PCDH15: variants seen among roughly 807,000 people sequenced by gnomAD.
PCDH15 encodes the protein protocadherin-15.
A neutral mutation model predicts 178.5 loss-of-function variants in PCDH15; 129 were observed. The observed-to-expected ratio is 0.72, with a 90% CI of 0.63 to 0.84. The LOEUF (loss-of-function observed/expected upper bound fraction) is 0.84, where lower values mean the gene tolerates loss of function less well. PCDH15 is among the 40% of genes least tolerant of loss of function. PCDH15 has a pLI of 0.00. For missense variants in PCDH15, 2,230 were observed against 2,099.9 expected (o/e 1.06, Z -1.21); for synonymous variants, 800 against 732.0 (o/e 1.09, Z -1.50).
intron 7 of PCDH15, 67 bp from the exon 8 acceptor site, chr10:54,317,508 C>T (rs955102117): frequency 1.3e-6 from 2 of 1,568,004 alleles, no homozygotes; most frequent in African/African-American, 1.4e-5. Context: ...GGAGCAGTGG[C>T]CCATACCTGT....
At chr10:54,856,670 C>T (rs765154675) in intron 3 of PCDH15, among the ~76,000 whole-genome samples, 1 of 152,140 alleles carries the variant, frequency 6.6e-6, no homozygotes, top group Non-Finnish European at 1.5e-5. Flanking sequence ...TTATCCTTAA[C>T]ATATTTATAT....
intron 2 of PCDH15, among the ~76,000 whole-genome samples, chr10:55,482,306 T>C (rs1485873691): frequency 1.3e-5 from 2 of 151,770 alleles, no homozygotes; most frequent in Non-Finnish European, 2.9e-5. Context: ...CTTTTAACTG[T>C]GGCATTTAGC....
chr10:54,361,151 CA>C (rs1489201181), intron 5 of PCDH15, among the ~76,000 whole-genome samples: 1 of 152,018 alleles, frequency 6.6e-6, no homozygotes, highest in Non-Finnish European at 1.5e-5. Flanking sequence ...TGCACATACT[CA>C]GGTCCCTAAT....
At chr10:54,138,247 G>GGT (rs145602311) in intron 14 of PCDH15, among the ~76,000 whole-genome samples, 19 of 151,598 alleles carry the variant, frequency 1.3e-4, no homozygotes, top group African/African-American at 2.2e-4. Context: ...GTAATTGTGA[G>GGT]GTGTGTGTGT....
intron 36 of PCDH15, among the ~76,000 whole-genome samples, chr10:53,811,131 C>A (rs2075849431): frequency 6.6e-6 from 1 of 152,042 alleles, no homozygotes; most frequent in Non-Finnish European, 1.5e-5. Flanking sequence ...GTACAAGTGA[C>A]TTTTGAGACA....
chr10:54,244,683 A>G (rs752828022), intron 8 of PCDH15, among the ~76,000 whole-genome samples: 1 of 152,192 alleles, frequency 6.6e-6, no homozygotes, highest in East Asian at 1.9e-4. Flanking sequence ...ATCCATTTCT[A>G]TAACAACTAT....
At chr10:55,386,986 A>T (rs550537837) in intron 2 of PCDH15, among the ~76,000 whole-genome samples, 2 of 152,260 alleles carry the variant, frequency 1.3e-5, no homozygotes, top group African/African-American at 4.8e-5. Context: ...TTTGGAGGAA[A>T]TCGTGAGAAA....
At chr10:54,118,772 A>AT (rs1329963619) in intron 15 of PCDH15, among the ~76,000 whole-genome samples, 10 of 118,868 alleles carry the variant, frequency 8.4e-5, no homozygotes, top group Admixed American at 3.2e-4. Flanking sequence ...GGAAAGTTTT[A>AT]TTTTTATTTT....
intron 10 of PCDH15, 121 bp from the exon 11 acceptor site, chr10:54,196,010 A>C: frequency 1.2e-6 from 1 of 839,032 alleles, no homozygotes; most frequent in South Asian, 1.6e-5. Context: ...ATAAGGAAAA[A>C]ATACGTTAAA....
chr10:55,595,946 G>C (rs1323964697), intron 2 of PCDH15, among the ~76,000 whole-genome samples: 1 of 152,034 alleles, frequency 6.6e-6, no homozygotes, highest in Non-Finnish European at 1.5e-5. Context: ...TGTTTGCACT[G>C]CTTAAAGATT....
intron 2 of PCDH15, among the ~76,000 whole-genome samples, chr10:55,160,869 TATTTAAAGCCTTGCCTGCATTATCTGTC>T (rs1839048191): frequency 6.6e-6 from 1 of 152,144 alleles, no homozygotes; most frequent in Non-Finnish European, 1.5e-5. Context: ...CAATATCTCT[TATTTAAAGCCTTGCCTGCATTATCTGTC>T]ATTTAAAGCC....
rs192092795 is a variant in PCDH15, at chr10:54,672,998, G to A, written c.-28-8708C>T. On this transcript the variant is annotated intron_variant, in intron 1 of 37. Transcript: ENST00000644397. Reference sequence around the variant, plus strand: ...TGTTTAATGACATAGCAAACAGGTAGTATCTACATTCCTAATTTTTTTTCT... The same window carrying A: ...TGTTTAATGACATAGCAAACAGGTAATATCTACATTCCTAATTTTTTTTCT... Among the ~76,000 whole-genome samples, 407 of 152,070 alleles carry A rather than the reference G, an allele frequency of 2.7e-3. 3 individuals carry two copies. Among genetic ancestry groups the A allele is most frequent in the African/African-American group, 8.1e-3 (334 of 41,478 alleles).
At chr10:54,959,866 CA>C (rs1359251592) in intron 2 of PCDH15, among the ~76,000 whole-genome samples, 1 of 152,030 alleles carries the variant, frequency 6.6e-6, no homozygotes, top group Non-Finnish European at 1.5e-5. Flanking sequence ...GACTGAAGAA[CA>C]AACAATAACC....
At chr10:54,095,896 C>T (rs2094691035) in intron 15 of PCDH15, among the ~76,000 whole-genome samples, 1 of 152,090 alleles carries the variant, frequency 6.6e-6, no homozygotes, top group Non-Finnish European at 1.5e-5. Flanking sequence ...CTAATTTTGT[C>T]TAGGGCTCAA....
intron 15 of PCDH15, among the ~76,000 whole-genome samples, chr10:54,115,847 C>T (rs10740575): frequency 0.3 from 45,794 of 152,026 alleles, 8,031 homozygotes; most frequent in East Asian, 0.87. Flanking sequence ...AAGGGAAATA[C>T]TGTTGTTACA....
chr10:55,035,618 T>A (rs536726180), intron 2 of PCDH15, among the ~76,000 whole-genome samples: 2 of 152,190 alleles, frequency 1.3e-5, no homozygotes, highest in East Asian at 3.9e-4. Context: ...TTGCATTTAA[T>A]TTTGCATTTT....
intron 2 of PCDH15, among the ~76,000 whole-genome samples, chr10:54,907,555 G>A (rs569738087): frequency 2.0e-5 from 3 of 152,160 alleles, no homozygotes; most frequent in Non-Finnish European, 4.4e-5. Context: ...TTTGATTCAC[G>A]TGAATCCTCA....
At chr10:54,944,379 G>C (rs1287221411) in intron 2 of PCDH15, among the ~76,000 whole-genome samples, 1 of 151,922 alleles carries the variant, frequency 6.6e-6, no homozygotes, top group Admixed American at 6.6e-5. Context: ...CTATGCTGAG[G>C]TGTAAGATGA....
chr10:54,571,391 T>TGAATG (rs1448629195), intron 2 of PCDH15, among the ~76,000 whole-genome samples: 1 of 149,250 alleles, frequency 6.7e-6, no homozygotes, highest in Non-Finnish European at 1.5e-5. Flanking sequence ...GAGGAAAGCA[T>TGAATG]GAATGTCTTA....
Sources: allele counts gnomAD v4.1 joint callset (sites outside exome capture counted in the v4.1 genomes callset), GRCh38; gene constraint gnomAD v4.1.1; transcripts MANE v1.5; gene names NCBI Gene and HGNC (gene_info 2026-07-23, HGNC 2026-07-21).